AGPS: variants seen among roughly 807,000 people sequenced by gnomAD.
AGPS encodes the protein alkylglycerone phosphate synthase, also known as alkyldihydroxyacetonephosphate synthase, peroxisomal.
AGPS carries 26 observed loss-of-function variants against 90.7 expected under a neutral mutation model. The ratio of observed to expected loss-of-function variants is 0.29; its 90% CI spans 0.21 to 0.40. The LOEUF (loss-of-function observed/expected upper bound fraction) is 0.40, where lower values mean the gene tolerates loss of function less well. AGPS is among the 10% of genes least tolerant of loss of function. AGPS has a pLI of 1.00. For missense variants in AGPS, 540 were observed against 816.1 expected (o/e 0.66, Z 4.12); for synonymous variants, 294 against 285.3 (o/e 1.03, Z -0.31).
chr2:177,462,009 C>T lies in AGPS; in HGVS notation c.987C>T (p.Ile329=), dbSNP rs141468906. The T allele has an allele frequency of 1.4e-5, 22 of 1,608,160 alleles. No individual in the cohort carries two copies. Among genetic ancestry groups the T allele is most frequent in the Admixed American group, 1.7e-5 (1 of 59,872 alleles). The change falls in exon 9 of 20, where the codon ATC becomes ATT. Residue 329 remains isoleucine (I), a synonymous_variant. Coordinates refer to ENST00000264167, the MANE Select transcript of AGPS (RefSeq NM_003659.4). ...TGAAGAAGAATATCTATGGCAATATCGAGGACCTGGTAAATATTTTTCTAG... is the reference window on the plus strand; with the variant it reads ...TGAAGAAGAATATCTATGGCAATATTGAGGACCTGGTAAATATTTTTCTAG... ...SGMKKNIYGN[I]EDLVVHIKMV...
chr2:177,410,526 C>G (rs955908514), intron 1 of AGPS, among the ~76,000 whole-genome samples: 1 of 152,196 alleles, frequency 6.6e-6, no homozygotes, highest in African/African-American at 2.4e-5. Flanking sequence ...TAGAATGTCT[C>G]TCCCTAACAA....
intron 19 of AGPS, among the ~76,000 whole-genome samples, chr2:177,533,791 A>G (rs1440266605): frequency 1.3e-5 from 2 of 152,328 alleles, no homozygotes; most frequent in African/African-American, 4.8e-5. Flanking sequence ...TTAAATCTTG[A>G]AATACAAAGT....
At chr2:177,411,533 C>T (rs756170187) in intron 1 of AGPS, among the ~76,000 whole-genome samples, 1 of 152,158 alleles carries the variant, frequency 6.6e-6, no homozygotes, top group Non-Finnish European at 1.5e-5. Flanking sequence ...CTGTTGTCAT[C>T]CTATCATTGA....
In AGPS at chr2:177,494,504, TTA is replaced by T. The variant is rs377445611; in HGVS notation, c.1285+1309_1285+1310del. ...TAATTAATAAGACTGTGTTATTCGT[TTA>T]TATGTTATTGTTGTTGTAAACAATG... On this transcript the variant is annotated intron_variant, in intron 12 of 19. Coordinates refer to ENST00000264167, the MANE Select transcript of AGPS (RefSeq NM_003659.4). 5.1e-3 allele frequency among the ~76,000 whole-genome samples: 772 copies of T among 152,282 alleles called. 7 individuals carry two copies. Among genetic ancestry groups the T allele is most frequent in the African/African-American group, 0.017 (699 of 41,564 alleles).
At chr2:177,529,659 T>C (rs2079120082) in intron 19 of AGPS, among the ~76,000 whole-genome samples, 1 of 152,170 alleles carries the variant, frequency 6.6e-6, no homozygotes, top group Non-Finnish European at 1.5e-5. Flanking sequence ...TAGGGTAAAA[T>C]AATGTGCATT....
Position 177,507,962 on chromosome 2 carries a change from C to G in AGPS, c.1546-8C>G. 1 of 1,607,074 alleles carries G rather than the reference C, an allele frequency of 6.2e-7. No homozygotes were observed. Among genetic ancestry groups the G allele is most frequent in the Non-Finnish European group, 8.5e-7 (1 of 1,173,676 alleles). ...AGTTTCTTGATTTTTCTGTTTGTGTCTTAATAGGACTTGGCTTTGGAATAC... is the reference window on the plus strand; with the variant it reads ...AGTTTCTTGATTTTTCTGTTTGTGTGTTAATAGGACTTGGCTTTGGAATAC... On this transcript the variant is annotated splice_polypyrimidine_tract_variant and splice_region_variant and intron_variant, in intron 15 of 19. Coordinates refer to ENST00000264167, the MANE Select transcript of AGPS (RefSeq NM_003659.4).
At chr2:177,426,544 CTTA>C (rs1478186896) in intron 2 of AGPS, among the ~76,000 whole-genome samples, 1 of 152,060 alleles carries the variant, frequency 6.6e-6, no homozygotes, top group Non-Finnish European at 1.5e-5. Flanking sequence ...ATATATGGCT[CTTA>C]TTATTTTGAA....
At chr2:177,472,206 C>G (rs568589749) in intron 10 of AGPS, among the ~76,000 whole-genome samples, 1 of 149,958 alleles carries the variant, frequency 6.7e-6, no homozygotes, top group East Asian at 1.9e-4. Context: ...ATTTCAGTCA[C>G]TTTTTCTCTG....
rs1486632555 is a variant in AGPS at position 177,505,358 on chromosome 2, A to C, written c.1476-148A>C. On this transcript the variant is annotated intron_variant, in intron 14 of 19. Coordinates refer to ENST00000264167, the MANE Select transcript of AGPS (RefSeq NM_003659.4). ...ATGAGTCAATTTTATTTCGTGGATA[A>C]AAGTTTGAAATTAAGATGAAACAGA... 3 of 714,662 alleles carry C rather than the reference A, an allele frequency of 4.2e-6. No homozygotes were observed. In the Admixed American group the frequency reaches 7.3e-5, roughly 17 times the overall value. 44.3% of individuals were successfully genotyped at this position (714,662 alleles called of 1,614,324 possible). A position where few individuals can be genotyped will look rare whatever the true frequency, so the allele number is the denominator to read the frequency against.
intron 16 of AGPS, among the ~76,000 whole-genome samples, chr2:177,510,237 C>T (rs1457575862): frequency 6.6e-6 from 1 of 152,032 alleles, no homozygotes; most frequent in Non-Finnish European, 1.5e-5. Context: ...AGGCCTTCTT[C>T]CTGGTTTTAT....
intron 2 of AGPS, among the ~76,000 whole-genome samples, chr2:177,424,130 G>A (rs1240636716): frequency 6.6e-6 from 1 of 151,984 alleles, no homozygotes; most frequent in Non-Finnish European, 1.5e-5. Context: ...TCCCCTTGAT[G>A]GGCCCCAGTG....
chr2:177,455,778 GTT>G (rs34738213), intron 8 of AGPS, among the ~76,000 whole-genome samples: 13 of 146,868 alleles, frequency 8.9e-5, no homozygotes, highest in Admixed American at 1.3e-4. Context: ...TATTTCTCCT[GTT>G]TTTTTTTTTA....
intron 8 of AGPS, among the ~76,000 whole-genome samples, chr2:177,449,007 C>A (rs180723139): frequency 1.3e-5 from 2 of 152,156 alleles, no homozygotes; most frequent in African/African-American, 4.8e-5. Context: ...CATATTGTTG[C>A]ATTTATCAGT....
intron 2 of AGPS, among the ~76,000 whole-genome samples, chr2:177,428,620 T>G (rs1314875026): frequency 6.6e-6 from 1 of 152,200 alleles, no homozygotes; most frequent in African/African-American, 2.4e-5. Context: ...AAAATTCTTT[T>G]CTTTAAGAAT....
chr2:177,411,212 T>C (rs1224446442), intron 1 of AGPS, among the ~76,000 whole-genome samples: 1 of 152,228 alleles, frequency 6.6e-6, no homozygotes, highest in African/African-American at 2.4e-5. Flanking sequence ...TTTTCTAATG[T>C]CTGCAACTGA....
At chr2:177,516,773 T>C (rs1051947955) in intron 17 of AGPS, among the ~76,000 whole-genome samples, 1 of 152,184 alleles carries the variant, frequency 6.6e-6, no homozygotes, top group Non-Finnish European at 1.5e-5. Flanking sequence ...TATATTTTAC[T>C]AATTTCTGCA....
chr2:177,409,734 G>T (rs1335108036), intron 1 of AGPS, among the ~76,000 whole-genome samples: 1 of 152,150 alleles, frequency 6.6e-6, no homozygotes, highest in Non-Finnish European at 1.5e-5. Flanking sequence ...GCATGGGCTA[G>T]TAGGCCGGTC....
At chr2:177,472,555 C>T (rs1406701948) in intron 10 of AGPS, among the ~76,000 whole-genome samples, 1 of 152,016 alleles carries the variant, frequency 6.6e-6, no homozygotes, top group Non-Finnish European at 1.5e-5. Context: ...GACTTTTCAC[C>T]AATAGTAATG....
chr2:177,516,850 T>A (rs964250000), intron 17 of AGPS, among the ~76,000 whole-genome samples: 1 of 152,166 alleles, frequency 6.6e-6, no homozygotes, highest in African/African-American at 2.4e-5. Context: ...ATAGTGCCCT[T>A]GGAGTTAAAA....
Sources: gnomAD v4.1 joint callset for allele counts (sites outside exome capture counted in the v4.1 genomes callset) on GRCh38, gnomAD v4.1.1 for gene constraint, MANE v1.5 for transcripts, NCBI Gene and HGNC (gene_info 2026-07-23, HGNC 2026-07-21) for gene names.